EGFR: variants seen among roughly 807,000 people sequenced by gnomAD.
The protein encoded by EGFR is epidermal growth factor receptor.
Under a neutral mutation model 143.0 loss-of-function variants are expected in EGFR, and 58 were observed. The ratio of observed to expected loss-of-function variants is 0.41; its 90% CI spans 0.33 to 0.50. The LOEUF is 0.50. Ranked by LOEUF, EGFR falls within the 20% of genes least tolerant of loss-of-function variation. The pLI, the probability that EGFR is intolerant of heterozygous loss-of-function variation, is 0.39. For synonymous variants in EGFR, 613 were observed against 594.4 expected (o/e 1.03, Z -0.45); for missense variants, 1,307 against 1,579.0 (o/e 0.83, Z 2.92).
At position 55,202,706 on chromosome 7, in the gene EGFR, C is replaced by T. The variant is rs587777941; in HGVS notation, c.3271+81C>T. 1.4e-4 allele frequency: 178 copies of T among 1,284,068 alleles called. No homozygotes were observed. The highest frequency in any genetic ancestry group is 1.9e-4 in the Non-Finnish European group (172 of 901,610). 79.5% of individuals were successfully genotyped at this position (1,284,068 alleles called of 1,614,324 possible). ...AGCAGCCAGTCTCCAGTGTCCAAGC[C>T]AGGTGCTCCCTCCAGCATCTCCAGA... On this transcript the variant is annotated intron_variant, in intron 27 of 27. Transcript: ENST00000275493.
chr7:55,077,859 C>G (rs984263932), intron 1 of EGFR, among the ~76,000 whole-genome samples: 3 of 152,114 alleles, frequency 2.0e-5, no homozygotes, highest in Admixed American at 6.6e-5. Context: ...GAGGCAGCTC[C>G]GAAGAGCTGG....
chr7:55,065,628 G>T (rs551404593), intron 1 of EGFR, among the ~76,000 whole-genome samples: 1 of 152,316 alleles, frequency 6.6e-6, no homozygotes, highest in Admixed American at 6.5e-5. Context: ...GAATCATGTT[G>T]TAAACATGTT....
At chr7:55,063,821 C>A in intron 1 of EGFR, among the ~76,000 whole-genome samples, 1 of 152,190 alleles carries the variant, frequency 6.6e-6, no homozygotes, top group East Asian at 1.9e-4. Context: ...AGCTTGAGGA[C>A]CGTCCTGGAG....
intron 1 of EGFR, among the ~76,000 whole-genome samples, chr7:55,053,647 G>A (rs2128875336): frequency 6.6e-6 from 1 of 152,346 alleles, no homozygotes; most frequent in East Asian, 1.9e-4. Context: ...AGGACACACA[G>A]CTCCCAGGGC....
rs990144726 is a variant in EGFR, at chr7:55,207,874, A to G, written c.*2257A>G. The G allele has an allele frequency of 6.6e-6, 1 of 152,248 alleles. No homozygotes were observed. The highest frequency in any genetic ancestry group is 2.1e-4 in the South Asian group (1 of 4,832). The allele number at this position is 152,248 out of a possible 1,614,324, so 9.4% of individuals were successfully genotyped here. A position where few individuals can be genotyped will look rare whatever the true frequency, so the allele number is the denominator to read the frequency against. On this transcript the variant is annotated 3_prime_UTR_variant, in exon 28 of 28. Coordinates refer to ENST00000275493, the MANE Select transcript of EGFR (RefSeq NM_005228.5). ...ATCTGAGATTTTATATTGTCAGTTA[A>G]CCACTTTCATTATTCATTCACCTCA...
intron 1 of EGFR, among the ~76,000 whole-genome samples, chr7:55,095,368 G>C (rs1352583872): frequency 6.6e-6 from 1 of 152,230 alleles, no homozygotes; most frequent in East Asian, 1.9e-4. Context: ...GAGGTTGACA[G>C]TTATTACTGT....
At chr7:55,118,487 C>A (rs1793006149) in intron 1 of EGFR, among the ~76,000 whole-genome samples, 1 of 152,212 alleles carries the variant, frequency 6.6e-6, no homozygotes, top group Admixed American at 6.5e-5. Context: ...AGCCTCTGAA[C>A]ACATTTCTCC....
intron 1 of EGFR, among the ~76,000 whole-genome samples, chr7:55,052,765 C>T (rs961797446): frequency 6.6e-6 from 1 of 152,184 alleles, no homozygotes; most frequent in Non-Finnish European, 1.5e-5. Context: ...GAGTCAAGGG[C>T]TCCGGGTGGG....
intron 1 of EGFR, among the ~76,000 whole-genome samples, chr7:55,042,651 G>A (rs1045258174): frequency 3.9e-5 from 6 of 152,018 alleles, no homozygotes; most frequent in Non-Finnish European, 1.5e-5. Flanking sequence ...TCGAAAATAT[G>A]GGCTCACCAA....
At chr7:55,059,826 C>T (rs551546268) in intron 1 of EGFR, among the ~76,000 whole-genome samples, 4 of 152,272 alleles carry the variant, frequency 2.6e-5, no homozygotes, top group South Asian at 2.1e-4. Context: ...ATTTCTTATG[C>T]GTTACATCGT....
At position 55,160,184 on chromosome 7, in the gene EGFR, G is replaced by C. The variant is rs763266323; in HGVS notation, c.1344G>C (p.Leu448Phe). The C allele has an allele frequency of 6.2e-6, 10 of 1,614,126 alleles. No homozygotes were observed. Among genetic ancestry groups the C allele is most frequent in the Non-Finnish European group, 8.5e-6 (10 of 1,180,030 alleles). ...LAVVSLNITS[L>F]GLRSLKEISD... ...TCGTCAGCCTGAACATAACATCCTTGGGATTACGCTCCCTCAAGGAGATAA... is the reference window on the plus strand; with the variant it reads ...TCGTCAGCCTGAACATAACATCCTTCGGATTACGCTCCCTCAAGGAGATAA... The change falls in exon 12 of 28, where the codon TTG becomes TTC. Residue 448 changes from leucine (L) to phenylalanine (F), a missense_variant. Physicochemically the swap from Leu to Phe is conservative, Grantham distance 22. Transcript: ENST00000275493.
In EGFR at chr7:55,021,860, T is replaced by C. The variant is rs537364906; in HGVS notation, c.88+2495T>C. On this transcript the variant is annotated intron_variant, in intron 1 of 27. Coordinates refer to ENST00000275493, the MANE Select transcript of EGFR (RefSeq NM_005228.5). The stretch of plus-strand genomic sequence containing the variant: ...GAAACTGAGGTACGAAGAACTAAAG[T>C]GACTTTCCCACAGCTGGTGGGAGGC... Among the ~76,000 whole-genome samples the C allele has an allele frequency of 8.5e-5, 13 of 152,280 alleles. No homozygotes were observed. The South Asian group carries it at 2.5e-3, about 29-fold the overall frequency.
intron 3 of EGFR, 64 bp downstream of exon 3, chr7:55,143,552 A>G: frequency 1.3e-6 from 2 of 1,579,966 alleles, no homozygotes; most frequent in Non-Finnish European, 1.7e-6. Context: ...GATGGCTCCC[A>G]GCGAGCTTGT....
At chr7:55,114,261 A>G (rs1584074255) in intron 1 of EGFR, among the ~76,000 whole-genome samples, 1 of 152,342 alleles carries the variant, frequency 6.6e-6, no homozygotes, top group East Asian at 1.9e-4. Context: ...AGATGTTTAC[A>G]CTGGCCACAG....
chr7:55,057,277 G>A (rs994198254), intron 1 of EGFR, among the ~76,000 whole-genome samples: 6 of 152,222 alleles, frequency 3.9e-5, no homozygotes, highest in Non-Finnish European at 8.8e-5. Context: ...AATTGCTTAA[G>A]CAAAGTTGGG....
chr7:55,026,938 T>A (rs956397510), intron 1 of EGFR, among the ~76,000 whole-genome samples: 1 of 151,394 alleles, frequency 6.6e-6, no homozygotes, highest in Non-Finnish European at 1.5e-5. Context: ...CAGCAGCACC[T>A]GAGAACCTGT....
chr7:55,069,341 G>A (rs571106709), intron 1 of EGFR, among the ~76,000 whole-genome samples: 1 of 152,308 alleles, frequency 6.6e-6, no homozygotes, highest in South Asian at 2.1e-4. Flanking sequence ...TTTTTAGCTC[G>A]TGTGGTGATT....
At chr7:55,172,827 C>T in intron 16 of EGFR, 156 bp from the exon 17 acceptor site, 1 of 1,558,776 alleles carries the variant, frequency 6.4e-7, no homozygotes, top group Non-Finnish European at 8.6e-7. Flanking sequence ...CCTTAGAAGC[C>T]TGTTTTTTCT....
At chr7:55,111,677 T>C (rs902039225) in intron 1 of EGFR, among the ~76,000 whole-genome samples, 1 of 152,132 alleles carries the variant, frequency 6.6e-6, no homozygotes. Flanking sequence ...GATGAGATGG[T>C]GCACAGGCGA....
Sources: gnomAD v4.1 joint callset for allele counts (sites outside exome capture counted in the v4.1 genomes callset) on GRCh38, gnomAD v4.1.1 for gene constraint, MANE v1.5 for transcripts, NCBI Gene and HGNC (gene_info 2026-07-23, HGNC 2026-07-21) for gene names.